Variants in RALGAPA1 observed in about 807,000 individuals in gnomAD.
RALGAPA1 encodes the protein ral GTPase-activating protein subunit alpha-1.
RALGAPA1 carries 52 observed loss-of-function variants against 269.6 expected under a neutral mutation model. The observed-to-expected ratio is 0.19, with a 90% CI of 0.15 to 0.24. The LOEUF (loss-of-function observed/expected upper bound fraction) is 0.24, where lower values mean the gene tolerates loss of function less well. Among genes scored for constraint, RALGAPA1 ranks in the 10% least tolerant of loss-of-function variants. The pLI is 1.00. For synonymous variants in RALGAPA1, 817 were observed against 1,008.3 expected (o/e 0.81, Z 3.60); for missense variants, 1,917 against 3,013.9 (o/e 0.64, Z 8.52).
chr14:35,606,405 G>A (rs973180), intron 35 of RALGAPA1, among the ~76,000 whole-genome samples: 52,374 of 151,962 alleles, frequency 0.34, 12,489 homozygotes, highest in African/African-American at 0.67. Context: ...GTATGTGTGT[G>A]TGTAAATACA....
At chr14:35,559,705 T>G (rs984178775) in intron 39 of RALGAPA1, among the ~76,000 whole-genome samples, 1 of 152,310 alleles carries the variant, frequency 6.6e-6, no homozygotes, top group African/African-American at 2.4e-5. Flanking sequence ...ACAGATAAGA[T>G]GGTGGTAATG....
intron 37 of RALGAPA1, among the ~76,000 whole-genome samples, chr14:35,577,129 T>C (rs531172497): frequency 7.2e-5 from 11 of 152,184 alleles, no homozygotes; most frequent in Non-Finnish European, 1.3e-4. Flanking sequence ...TCACAAACCA[T>C]CTGTTTAATA....
At chr14:35,728,859 AGTAGCTGG>A (rs768958062) in intron 12 of RALGAPA1, among the ~76,000 whole-genome samples, 5 of 151,962 alleles carry the variant, frequency 3.3e-5, no homozygotes, top group Non-Finnish European at 7.4e-5. Context: ...CAGCCTCCCA[AGTAGCTGG>A]GATTACAGGC....
chr14:35,658,017 C>T lies in RALGAPA1; in HGVS notation c.5387+1121G>A, dbSNP rs1476197308. ...TGTTAGCTAGCTTGCCTACATCCCC[C>T]GTCCCACCAGCTATGCATTATCAGA... On this transcript the variant is annotated intron_variant, in intron 28 of 41. Coordinates refer to ENST00000680220, the MANE Select transcript of RALGAPA1 (RefSeq NM_001346249.2). 3.3e-5 allele frequency among the ~76,000 whole-genome samples: 5 copies of T among 152,114 alleles called. No homozygotes were observed. In the East Asian group the frequency reaches 5.8e-4, roughly 18 times the overall value.
intron 20 of RALGAPA1, among the ~76,000 whole-genome samples, chr14:35,684,473 T>C (rs2065747504): frequency 6.6e-6 from 1 of 152,212 alleles, no homozygotes; most frequent in Admixed American, 6.5e-5. Context: ...TAATCATGAC[T>C]GGCTTTTTAG....
intron 10 of RALGAPA1, among the ~76,000 whole-genome samples, chr14:35,747,929 T>C (rs1422056481): frequency 6.6e-6 from 1 of 152,010 alleles, no homozygotes; most frequent in Non-Finnish European, 1.5e-5. Context: ...TTAAGAAATA[T>C]CTGTCTTAAT....
At chr14:35,596,251 G>T (rs1218194332) in intron 36 of RALGAPA1, among the ~76,000 whole-genome samples, 1 of 151,970 alleles carries the variant, frequency 6.6e-6, no homozygotes, top group Non-Finnish European at 1.5e-5. Flanking sequence ...TAGAAATGCA[G>T]AACTTAATTA....
chr14:35,761,046 T>C (rs2073654875), intron 5 of RALGAPA1, 40 bp from the exon 6 acceptor site: 5 of 1,439,986 alleles, frequency 3.5e-6, no homozygotes, highest in Non-Finnish European at 4.7e-6. Context: ...TTATTTATAA[T>C]GGAAATATTT....
chr14:35,582,526 G>C (rs1259368771), intron 37 of RALGAPA1, among the ~76,000 whole-genome samples: 2 of 152,180 alleles, frequency 1.3e-5, no homozygotes, highest in Non-Finnish European at 2.9e-5. Context: ...ATGGAATCTA[G>C]TGCCAGTGTA....
intron 3 of RALGAPA1, among the ~76,000 whole-genome samples, chr14:35,772,719 T>C (rs962802875): frequency 6.6e-6 from 1 of 152,214 alleles, no homozygotes; most frequent in African/African-American, 2.4e-5. Flanking sequence ...GGAGGGTTTA[T>C]CTCATTCAAC....
chr14:35,721,403 T>C (rs2140953161), intron 16 of RALGAPA1, among the ~76,000 whole-genome samples: 1 of 152,336 alleles, frequency 6.6e-6, no homozygotes, highest in East Asian at 1.9e-4. Flanking sequence ...GTAAAGTGAA[T>C]CACAGTTCTA....
At chr14:35,776,368 T>A (rs539031373) in intron 1 of RALGAPA1, among the ~76,000 whole-genome samples, 2 of 148,400 alleles carry the variant, frequency 1.3e-5, no homozygotes, top group East Asian at 3.9e-4. Context: ...GAAGACAGAG[T>A]GAGACTCCAC....
chr14:35,734,167 A>G (rs1195816817), intron 12 of RALGAPA1, among the ~76,000 whole-genome samples: 1 of 152,156 alleles, frequency 6.6e-6, no homozygotes, highest in Non-Finnish European at 1.5e-5. Flanking sequence ...CTCTATCAAA[A>G]TGCCACTATA....
chr14:35,594,292 G>GA (rs1372366535), intron 37 of RALGAPA1, among the ~76,000 whole-genome samples: 3 of 152,034 alleles, frequency 2.0e-5, no homozygotes, highest in Admixed American at 6.6e-5. Flanking sequence ...AAACTAAAAA[G>GA]CTTCTGCAGA....
chr14:35,725,501 A>G (rs972739591), intron 13 of RALGAPA1, among the ~76,000 whole-genome samples: 1 of 152,234 alleles, frequency 6.6e-6, no homozygotes, highest in Non-Finnish European at 1.5e-5. Flanking sequence ...TCTACACAAT[A>G]TAGTTCTACC....
intron 41 of RALGAPA1, among the ~76,000 whole-genome samples, chr14:35,540,021 A>G (rs2138951184): frequency 6.6e-6 from 1 of 152,248 alleles, no homozygotes; most frequent in South Asian, 2.1e-4. Context: ...GTCAAGAAGC[A>G]GGTGAGAAGG....
chr14:35,565,569 T>C (rs1310552943), intron 39 of RALGAPA1, among the ~76,000 whole-genome samples: 1 of 152,076 alleles, frequency 6.6e-6, no homozygotes, highest in East Asian at 1.9e-4. Context: ...CAACATCAAC[T>C]CTTCCCCGAG....
chr14:35,792,214 T>C (rs2076228832), intron 1 of RALGAPA1, among the ~76,000 whole-genome samples: 2 of 151,978 alleles, frequency 1.3e-5, no homozygotes, highest in Admixed American at 6.6e-5. Context: ...TGGAGTGCAG[T>C]GGCACGATTT....
chr14:35,690,346 ATTT>A (rs2066372933), intron 17 of RALGAPA1, among the ~76,000 whole-genome samples: 1 of 152,166 alleles, frequency 6.6e-6, no homozygotes, highest in Admixed American at 6.5e-5. Flanking sequence ...TTTCCTACTT[ATTT>A]ACGTTCCAAG....
Sources: allele counts gnomAD v4.1 joint callset (sites outside exome capture counted in the v4.1 genomes callset), GRCh38; gene constraint gnomAD v4.1.1; transcripts MANE v1.5; gene names NCBI Gene and HGNC (gene_info 2026-07-23, HGNC 2026-07-21).